TIAM1: variants seen among roughly 807,000 people sequenced by gnomAD.
TIAM1 encodes TIAM Rac1 associated GEF 1.
In TIAM1, 65 loss-of-function variants were observed where a neutral mutation model predicts 163.5. The observed-to-expected ratio is 0.40, with a 90% CI of 0.33 to 0.49. The LOEUF is 0.49. Ranked by LOEUF, TIAM1 falls within the 20% of genes least tolerant of loss-of-function variation. The pLI is 0.77. For missense variants in TIAM1, 1,789 were observed against 2,044.7 expected (o/e 0.87, Z 2.41); for synonymous variants, 833 against 810.1 (o/e 1.03, Z -0.48).
intron 1 of TIAM1, among the ~76,000 whole-genome samples, chr21:31,552,048 C>CTT (rs200300720): frequency 7.5e-5 from 6 of 80,152 alleles, no homozygotes; most frequent in African/African-American, 1.7e-4. Flanking sequence ...CTCTGCACTA[C>CTT]TTTTTTTTTT....
At chr21:31,355,367 C>T (rs1265327421) in intron 2 of TIAM1, among the ~76,000 whole-genome samples, 1 of 152,072 alleles carries the variant, frequency 6.6e-6, no homozygotes, top group Non-Finnish European at 1.5e-5. Context: ...CAAACTTGTT[C>T]ATCTTCCGCT....
At chr21:31,301,587 CCCAACACTT>C (rs2074501331) in intron 2 of TIAM1, among the ~76,000 whole-genome samples, 1 of 152,134 alleles carries the variant, frequency 6.6e-6, no homozygotes, top group African/African-American at 2.4e-5. Flanking sequence ...CGCCTGTAAT[CCCAACACTT>C]TGGGAGGCAG....
upstream of TIAM1, among the ~76,000 whole-genome samples, chr21:31,346,781 G>A (rs1482764771): frequency 1.3e-5 from 2 of 152,190 alleles, no homozygotes; most frequent in Non-Finnish European, 2.9e-5. Context: ...GCACCATGAA[G>A]TCAGTGGTCA....
intron 15 of TIAM1, among the ~76,000 whole-genome samples, chr21:31,167,847 T>A (rs532068661): frequency 6.6e-6 from 1 of 152,294 alleles, no homozygotes; most frequent in Admixed American, 6.5e-5. Context: ...GTTTTAACTG[T>A]AAGCCCATGA....
intron 13 of TIAM1, among the ~76,000 whole-genome samples, chr21:31,187,458 A>C (rs2085357483): frequency 6.6e-6 from 1 of 152,142 alleles, no homozygotes; most frequent in South Asian, 2.1e-4. Flanking sequence ...TTTTCATCAA[A>C]TCTATGTCCT....
At chr21:31,493,087 T>C (rs2147426182) in intron 1 of TIAM1, among the ~76,000 whole-genome samples, 1 of 152,262 alleles carries the variant, frequency 6.6e-6, no homozygotes, top group African/African-American at 2.4e-5. Context: ...TCACTGACCT[T>C]CTTACCTTTA....
chr21:31,369,910 G>A (rs1032068713), intron 2 of TIAM1, among the ~76,000 whole-genome samples: 3 of 152,026 alleles, frequency 2.0e-5, no homozygotes, highest in Non-Finnish European at 4.4e-5. Context: ...GCTTGAACCC[G>A]GGAGGCAGAG....
intron 2 of TIAM1, among the ~76,000 whole-genome samples, chr21:31,298,735 GGTGTGT>G (rs147701527): frequency 6.9e-4 from 96 of 138,574 alleles, no homozygotes; most frequent in African/African-American, 2.2e-3. Context: ...TCCAATTGAG[GGTGTGT>G]GTGTGTGTGT....
At chr21:31,419,390 C>G (rs2147255895) in intron 2 of TIAM1, among the ~76,000 whole-genome samples, 1 of 152,292 alleles carries the variant, frequency 6.6e-6, no homozygotes, top group South Asian at 2.1e-4. Flanking sequence ...GATGTGTCAT[C>G]TAAAACATCT....
intron 1 of TIAM1, among the ~76,000 whole-genome samples, chr21:31,496,453 C>CT (rs1297025836): frequency 9.4e-6 from 1 of 106,170 alleles, no homozygotes; most frequent in Non-Finnish European, 1.8e-5. Context: ...CTGGGCAACT[C>CT]TGTCTCAAAA....
chr21:31,416,553 A>G lies in TIAM1; in HGVS notation c.-369+47430T>C, dbSNP rs530966878. ...CATCCTCATAGCCTAGTGCCCACTT[A>G]TAAGTGAGAACATACAATATTTGGT... On this transcript the variant is annotated intron_variant, in intron 2 of 28. Transcript: ENST00000286827. 9.2e-5 allele frequency among the ~76,000 whole-genome samples: 14 copies of G among 152,288 alleles called. No homozygotes were observed. In the East Asian group the frequency reaches 1.7e-3, roughly 19 times the overall value.
In TIAM1 at chr21:31,310,659, G is replaced by T. The variant is rs181211200; in HGVS notation, c.-189+28584C>A. 2.9e-3 allele frequency among the ~76,000 whole-genome samples: 444 copies of T among 152,228 alleles called. 14 individuals are homozygous for T. Among genetic ancestry groups the T allele is most frequent in the Admixed American group, 0.028 (430 of 15,294 alleles). On this transcript the variant is annotated intron_variant, in intron 2 of 27. Coordinates refer to ENST00000541036, the MANE Select transcript of TIAM1 (RefSeq NM_001353694.2). ...CCAGGTCACTCGCTGCCTTTCAGACGCAGAAGGTAACCACTCCCTGATGGA... is the reference window on the plus strand; with the variant it reads ...CCAGGTCACTCGCTGCCTTTCAGACTCAGAAGGTAACCACTCCCTGATGGA...
At chr21:31,210,591 A>AG (rs2086698091) in intron 10 of TIAM1, among the ~76,000 whole-genome samples, 1 of 108,124 alleles carries the variant, frequency 9.2e-6, no homozygotes, top group Admixed American at 1.1e-4. Flanking sequence ...AGAAAGAAAG[A>AG]AAGAGAGAAA....
intron 26 of TIAM1, among the ~76,000 whole-genome samples, chr21:31,126,150 A>G (rs1022739431): frequency 6.6e-6 from 1 of 152,224 alleles, no homozygotes; most frequent in Non-Finnish European, 1.5e-5. Context: ...CCATACTAAC[A>G]TTATAAAATA....
intron 1 of TIAM1, among the ~76,000 whole-genome samples, chr21:31,476,996 T>C (rs564118356): frequency 2.0e-5 from 3 of 152,282 alleles, no homozygotes; most frequent in African/African-American, 7.2e-5. Context: ...CACTAACCAT[T>C]AGAGACAGGT....
intron 16 of TIAM1, among the ~76,000 whole-genome samples, chr21:31,160,109 T>C (rs2083836765): frequency 6.6e-6 from 1 of 151,940 alleles, no homozygotes. Context: ...ACAATCAAAA[T>C]CTCAATAACC....
chr21:31,180,358 T>G lies in TIAM1; in HGVS notation c.2887+2063A>C, dbSNP rs572492300. Among the ~76,000 whole-genome samples, 3 of 152,370 alleles carry G rather than the reference T, an allele frequency of 2.0e-5. No individual in the cohort carries two copies. In the East Asian group the frequency reaches 5.8e-4, roughly 29 times the overall value. On this transcript the variant is annotated intron_variant, in intron 15 of 27. Transcript: ENST00000541036. ...CATAGAGTAAACACTTTTGGCTTTG[T>G]AGACCCTAAGTCCTTGTCACAACGA...
chr21:31,410,455 G>A (rs548167967), intron 2 of TIAM1, among the ~76,000 whole-genome samples: 2 of 151,794 alleles, frequency 1.3e-5, no homozygotes, highest in South Asian at 2.1e-4. Context: ...AGGGTGTTAC[G>A]TATGTGAGCA....
chr21:31,160,146 CCATT>C (rs2083839874), intron 16 of TIAM1, among the ~76,000 whole-genome samples: 3 of 152,084 alleles, frequency 2.0e-5, no homozygotes, highest in Non-Finnish European at 4.4e-5. Context: ...ATGCAACTGA[CCATT>C]AATTAAACAA....
Sources: allele counts gnomAD v4.1 joint callset (sites outside exome capture counted in the v4.1 genomes callset), GRCh38; gene constraint gnomAD v4.1.1; transcripts MANE v1.5; gene names NCBI Gene and HGNC (gene_info 2026-07-23, HGNC 2026-07-21).